The following MMP25 variants were observed in gnomAD, a reference collection of about 807,000 sequenced individuals.
The protein encoded by MMP25 is matrix metalloproteinase-25.
In MMP25, 68 loss-of-function variants were observed where a neutral mutation model predicts 62.1. The observed-to-expected ratio is 1.10, with a 90% CI of 0.90 to 1.34. MMP25 has a LOEUF of 1.34. Among genes scored for constraint, MMP25 ranks in the 40% most tolerant of loss-of-function variants. The probability of loss-of-function intolerance (pLI) is 0.00; values close to 1 mark genes in which losing one functional copy is unlikely to be tolerated. For synonymous variants in MMP25, 407 were observed against 345.6 expected (o/e 1.18, Z -1.97); for missense variants, 942 against 792.5 (o/e 1.19, Z -2.26).
At chr16:3,048,831 A>T (rs1357691991) in intron 2 of MMP25, among the ~76,000 whole-genome samples, 1 of 148,022 alleles carries the variant, frequency 6.8e-6, no homozygotes, top group African/African-American at 2.5e-5. Context: ...TTTTAGACAG[A>T]GTCTCACTCT....
intron 2 of MMP25, among the ~76,000 whole-genome samples, chr16:3,049,213 C>A (rs1955863538): frequency 6.6e-6 from 1 of 151,664 alleles, no homozygotes; most frequent in Admixed American, 6.6e-5. Context: ...GGGATGGTGG[C>A]AGAAGGATGG....
chr16:3,051,733 AG>A (rs1955905147), intron 4 of MMP25: 1 of 152,268 alleles, frequency 6.6e-6, no homozygotes, highest in East Asian at 1.9e-4. Flanking sequence ...ATCCCAGCAG[AG>A]GAAGTCCTCA....
intron 2 of MMP25, among the ~76,000 whole-genome samples, chr16:3,048,028 G>A (rs1955846440): frequency 9.2e-5 from 14 of 152,040 alleles, no homozygotes; most frequent in Admixed American, 9.2e-4. Flanking sequence ...TAGTAGAGAC[G>A]GGGTTTCTCC....
rs1369852880 is a variant in MMP25, at chr16:3,058,477, G to C, written c.1225G>C (p.Gly409Arg). 2.5e-6 allele frequency: 4 copies of C among 1,605,876 alleles called. No homozygotes were observed. Among genetic ancestry groups the C allele is most frequent in the East Asian group, 2.2e-5 (1 of 44,500 alleles). The change falls in exon 9 of 10, where the codon GGG (glycine) becomes CGG (arginine). Residue 409 changes from glycine to arginine, a missense_variant. Coordinates refer to ENST00000336577, the MANE Select transcript of MMP25 (RefSeq NM_022468.5). The stretch of plus-strand genomic sequence containing the variant: ...CGGGGCGCGGCCGCTCACGGAGCTG[G>C]GGCTGCCCCCGGGAGAGGAGGTGGA... ...EGGARPLTEL[G>R]LPPGEEVDAV...
intron 4 of MMP25, chr16:3,052,390 G>A (rs777215153): frequency 6.6e-6 from 1 of 152,304 alleles, no homozygotes; most frequent in Non-Finnish European, 1.5e-5. Flanking sequence ...GACCTTGAAA[G>A]CATGTGGAAG....
chr16:3,057,115 C>T lies in MMP25; in HGVS notation c.744C>T (p.Asn248=). 1 of 1,613,498 alleles carries T rather than the reference C, an allele frequency of 6.2e-7. No individual in the cohort carries two copies. Among genetic ancestry groups the T allele is most frequent in the Non-Finnish European group, 8.5e-7 (1 of 1,179,784 alleles). The change falls in exon 5 of 10, where the codon AAC becomes AAT. Residue 248 remains asparagine (N), a synonymous_variant. Transcript: ENST00000336577. ...GCCTGGGCCACTCCTCAGCCCCCAA[C>T]TCCATTATGAGGCCCTTCTACCAGG... The part of the protein sequence containing the change: ...ALGLGHSSAP[N]SIMRPFYQGP...
chr16:3,057,339 C>A lies in MMP25; in HGVS notation c.868C>A (p.Pro290Thr), dbSNP rs780728650. Residue 290 changes from proline (P) to threonine (T), a missense_variant, in exon 6 of 10, where the codon CCC becomes ACC. Coordinates refer to ENST00000336577, the MANE Select transcript of MMP25 (RefSeq NM_022468.5). ...GGCGCCCCAAACCCCATATGACAAG[C>A]CCACAAGGAAACCCCTGGCTCCTCC... Reference protein sequence around the residue: ...GKAPQTPYDKPTRKPLAPPPQ... With the variant: ...GKAPQTPYDKTTRKPLAPPPQ... The A allele has an allele frequency of 6.2e-7, 1 of 1,613,896 alleles. No individual in the cohort carries two copies. The highest frequency in any genetic ancestry group is 1.1e-5 in the South Asian group (1 of 91,038).
In MMP25 at chr16:3,058,821, C is replaced by G. The variant is rs1448403733; in HGVS notation, c.1418-6C>G. ...AGGGACCGGGACTCAAGCTCTGCTC[C>G]TCCAGGTGACACCTACTTCTTCAAG... On this transcript the variant is annotated splice_polypyrimidine_tract_variant and splice_region_variant and intron_variant, in intron 9 of 9. Coordinates refer to ENST00000336577, the MANE Select transcript of MMP25 (RefSeq NM_022468.5). 6.6e-7 allele frequency: 1 copy of G among 1,510,398 alleles called. No individual in the cohort carries two copies. Among genetic ancestry groups the G allele is most frequent in the African/African-American group, 1.4e-5 (1 of 72,782 alleles). 93.6% of individuals were successfully genotyped at this position (1,510,398 alleles called of 1,614,324 possible). A position where few individuals can be genotyped will look rare whatever the true frequency, so the allele number is the denominator to read the frequency against.
intron 4 of MMP25, chr16:3,054,013 C>T (rs978924448): frequency 2.0e-5 from 3 of 150,960 alleles, no homozygotes; most frequent in African/African-American, 7.3e-5. Context: ...GGGAATGGAT[C>T]CAACGAGCGT....
chr16:3,057,108 C>G lies in MMP25; in HGVS notation c.737C>G (p.Ala246Gly). 1 of 1,613,252 alleles carries G rather than the reference C, an allele frequency of 6.2e-7. No homozygotes were observed. The highest frequency in any genetic ancestry group is 8.5e-7 in the Non-Finnish European group (1 of 1,179,686). The change falls in exon 5 of 10, where the codon GCC becomes GGC. Residue 246 changes from alanine (A) to glycine (G), a missense_variant. Ala to Gly is a moderately conservative substitution (Grantham distance 60). Transcript: ENST00000336577. ...GHALGLGHSS[A>G]PNSIMRPFYQ... ...GCCCTGGGCCTGGGCCACTCCTCAGCCCCCAACTCCATTATGAGGCCCTTC... is the reference window on the plus strand; with the variant it reads ...GCCCTGGGCCTGGGCCACTCCTCAGGCCCCAACTCCATTATGAGGCCCTTC...
chr16:3,059,082 G>A lies in MMP25; in HGVS notation c.1673G>A (p.Gly558Asp), dbSNP rs528328005. The A allele has an allele frequency of 2.6e-6, 4 of 1,545,380 alleles. No homozygotes were observed. The highest frequency in any genetic ancestry group is 4.9e-5 in the East Asian group (2 of 40,812). ...CTCCTCTTGCCCCTGCTGGTGGGGG[G>A]TGTAGCCTCCCGCTGATGGGGGGAG... Reference protein sequence around the residue: ...PLLLLPLLVGGVASR With the variant: ...PLLLLPLLVGDVASR Residue 558 changes from glycine (G) to aspartate (D), a missense_variant, in exon 10 of 10, where the codon GGT becomes GAT. Coordinates refer to ENST00000336577, the MANE Select transcript of MMP25 (RefSeq NM_022468.5).
chr16:3,057,231 G>C (rs759462000), intron 5 of MMP25, 22 bp downstream of exon 5: 1 of 1,613,502 alleles, frequency 6.2e-7, no homozygotes, highest in African/African-American at 1.3e-5. Flanking sequence ...GGGACCTGCC[G>C]CGAAACCATC....
At chr16:3,048,824 T>TC (rs1407931197) in intron 2 of MMP25, among the ~76,000 whole-genome samples, 3 of 150,576 alleles carry the variant, frequency 2.0e-5, no homozygotes, top group Admixed American at 6.6e-5. Context: ...TTTTTTTTTT[T>TC]AGACAGAGTC....
rs376635558 is a variant in MMP25 at position 3,050,086 on chromosome 16, C to T, written c.310C>T (p.Arg104Trp). The change falls in exon 3 of 10, where the codon CGG becomes TGG. Residue 104 changes from arginine (R) to tryptophan (W), a missense_variant. Coordinates refer to ENST00000336577, the MANE Select transcript of MMP25 (RefSeq NM_022468.5). ...GCTGGGGGTGGCGGGGCTGGTCAGG[C>T]GGCGTCGCCGGTACGCTCTGAGCGG... is the stretch of plus-strand genomic sequence containing the variant. The part of the protein sequence containing the change: ...DVLGVAGLVR[R>W]RRRYALSGSV... 1.1e-5 allele frequency: 18 copies of T among 1,611,012 alleles called. No homozygotes were observed. Among genetic ancestry groups the T allele is most frequent in the South Asian group, 4.4e-5 (4 of 91,048 alleles).
At chr16:3,056,174 G>A (rs1476038099) in intron 4 of MMP25, 1 of 204,058 alleles carries the variant, frequency 4.9e-6, no homozygotes, top group African/African-American at 2.4e-5. Context: ...AGGAGGGATG[G>A]GGGCAGGAAT....
intron 2 of MMP25, 146 bp downstream of exon 2, chr16:3,047,693 C>G: frequency 1.2e-6 from 1 of 868,566 alleles, no homozygotes; most frequent in South Asian, 1.8e-5. Context: ...CTCAGGCGTT[C>G]ATCTTTCCAT....
chr16:3,047,310 G>GGGCTCT, intron 1 of MMP25, 105 bp from the exon 2 acceptor site: 2 of 1,490,662 alleles, frequency 1.3e-6, no homozygotes, highest in Non-Finnish European at 1.8e-6. Context: ...CTGGGGCCCT[G>GGGCTCT]GGCTCTGGGT....
chr16:3,048,864 G>A (rs963220294), intron 2 of MMP25, among the ~76,000 whole-genome samples: 4 of 150,844 alleles, frequency 2.7e-5, no homozygotes, highest in African/African-American at 4.9e-5. Context: ...GCAGTACAGT[G>A]GCGCAATCTC....
chr16:3,055,822 C>G, intron 4 of MMP25: 1 of 455,128 alleles, frequency 2.2e-6, no homozygotes, highest in South Asian at 1.6e-5. Flanking sequence ...CTGTCTTGGT[C>G]TCTTCAGGCC....
Sources: gnomAD v4.1 joint callset for allele counts (sites outside exome capture counted in the v4.1 genomes callset) on GRCh38, gnomAD v4.1.1 for gene constraint, MANE v1.5 for transcripts, NCBI Gene and HGNC (gene_info 2026-07-23, HGNC 2026-07-21) for gene names.